NAALADL2: variants seen among roughly 807,000 people sequenced by gnomAD.
NAALADL2 encodes the protein inactive N-acetylated-alpha-linked acidic dipeptidase-like protein 2.
NAALADL2 carries 76 observed loss-of-function variants against 87.2 expected under a neutral mutation model. The observed-to-expected ratio is 0.87, with a 90% CI of 0.72 to 1.05. The LOEUF is 1.05. Ranked by LOEUF, NAALADL2 falls within the 50% of genes least tolerant of loss-of-function variation. The probability of loss-of-function intolerance (pLI) is 0.00; values close to 1 mark genes in which losing one functional copy is unlikely to be tolerated. For missense variants in NAALADL2, 1,089 were observed against 945.8 expected (o/e 1.15, Z -1.99); for synonymous variants, 354 against 331.0 (o/e 1.07, Z -0.75).
chr3:175,437,663 A>G (rs1408735620), intron 5 of NAALADL2, among the ~76,000 whole-genome samples: 1 of 151,086 alleles, frequency 6.6e-6, no homozygotes, highest in African/African-American at 2.4e-5. Flanking sequence ...AGCCAAAAGA[A>G]CAAAGCTGGA....
At chr3:174,814,848 G>A (rs756453519) in intron 3 of NAALADL2, among the ~76,000 whole-genome samples, 10 of 152,006 alleles carry the variant, frequency 6.6e-5, no homozygotes, top group Non-Finnish European at 1.2e-4. Context: ...CTGACCCTTC[G>A]GTTGCAAGCT....
At chr3:175,366,472 C>A (rs9799046) in intron 5 of NAALADL2, among the ~76,000 whole-genome samples, 83,381 of 149,768 alleles carry the variant, frequency 0.56, 23,467 homozygotes, top group East Asian at 0.66. Flanking sequence ...TACAGTCCCA[C>A]CAACAGTGTA....
intron 5 of NAALADL2, among the ~76,000 whole-genome samples, chr3:175,328,873 A>G (rs1761072359): frequency 6.6e-6 from 1 of 152,216 alleles, no homozygotes. Flanking sequence ...AAAGTAAAAA[A>G]TATGTATCTT....
chr3:175,717,723 T>C (rs1487303586), intron 11 of NAALADL2, among the ~76,000 whole-genome samples: 1 of 146,192 alleles, frequency 6.8e-6, no homozygotes, highest in East Asian at 2.0e-4. Flanking sequence ...AAAAAAGAAA[T>C]AAATTAATAT....
chr3:175,728,773 A>G (rs1241701027), intron 11 of NAALADL2, among the ~76,000 whole-genome samples: 1 of 152,136 alleles, frequency 6.6e-6, no homozygotes, highest in Non-Finnish European at 1.5e-5. Flanking sequence ...CTCCCTGCAG[A>G]TCACTGAATC....
At chr3:175,652,936 T>A (rs1730981503) in intron 11 of NAALADL2, among the ~76,000 whole-genome samples, 2 of 152,154 alleles carry the variant, frequency 1.3e-5, no homozygotes, top group Non-Finnish European at 1.5e-5. Context: ...AGCCTGCTGT[T>A]AACTGGAAGC....
At chr3:175,148,829 G>A (rs1269479501) in intron 2 of NAALADL2, among the ~76,000 whole-genome samples, 1 of 152,094 alleles carries the variant, frequency 6.6e-6, no homozygotes, top group African/African-American at 2.4e-5. Context: ...GTACCATTCT[G>A]TTTTGTTTGC....
intron 2 of NAALADL2, among the ~76,000 whole-genome samples, chr3:175,139,612 A>AT (rs961860355): frequency 1.3e-5 from 2 of 151,996 alleles, no homozygotes; most frequent in African/African-American, 2.4e-5. Context: ...TATTCAGAGA[A>AT]TTTTTTTCAA....
intron 2 of NAALADL2, among the ~76,000 whole-genome samples, chr3:174,569,972 C>T (rs1426851746): frequency 6.6e-6 from 1 of 152,080 alleles, no homozygotes; most frequent in Non-Finnish European, 1.5e-5. Flanking sequence ...GGTACTCTCT[C>T]CTGCAAATTT....
Position 174,881,587 on chromosome 3 carries a change from GTTTA to G in NAALADL2, c.43+22140_43+22143del, listed in dbSNP as rs1333997559. Among the ~76,000 whole-genome samples the G allele has an allele frequency of 3.3e-5, 5 of 151,992 alleles. No homozygotes were observed. The East Asian group carries it at 9.6e-4, about 29-fold the overall frequency. On this transcript the variant is annotated intron_variant, in intron 1 of 13. Coordinates refer to ENST00000454872, the MANE Select transcript of NAALADL2 (RefSeq NM_207015.3). ...AATTTTCAAGACTTTATGTTTGTTG[GTTTA>G]TTATTTACTTGTTTATTATGCTTGT... is the stretch of plus-strand genomic sequence containing the variant.
rs528023353 is a variant in NAALADL2, at chr3:175,289,145, A to ATT, written c.939+32615_939+32616insTT. On this transcript the variant is annotated intron_variant, in intron 4 of 13. Transcript: ENST00000454872. Reference sequence around the variant, plus strand: ...TTTTATGATGCAATAATTAGAAAAAAATTAACATTTTTGGCATGTCTTTCT... The same window carrying ATT: ...TTTTATGATGCAATAATTAGAAAAAATTATTAACATTTTTGGCATGTCTTTCT... Among the ~76,000 whole-genome samples the ATT allele has an allele frequency of 1.8e-3, 267 of 152,296 alleles. 3 individuals are homozygous for ATT. Among genetic ancestry groups the ATT allele is most frequent in the African/African-American group, 6.3e-3 (260 of 41,562 alleles).
At chr3:175,453,640 A>G (rs1323393086) in intron 6 of NAALADL2, among the ~76,000 whole-genome samples, 1 of 152,112 alleles carries the variant, frequency 6.6e-6, no homozygotes, top group Non-Finnish European at 1.5e-5. Context: ...AATTTTCATT[A>G]GAATATGTTG....
At chr3:175,464,736 T>C (rs1479658254) in intron 7 of NAALADL2, among the ~76,000 whole-genome samples, 13 of 152,188 alleles carry the variant, frequency 8.5e-5, no homozygotes, top group African/African-American at 2.7e-4. Flanking sequence ...CTTACAAAGT[T>C]CATGAAAGCC....
chr3:174,968,282 A>G, intron 1 of NAALADL2, among the ~76,000 whole-genome samples: 1 of 152,066 alleles, frequency 6.6e-6, no homozygotes, highest in Non-Finnish European at 1.5e-5. Context: ...AAGCATTACT[A>G]TTTGTCAGAA....
chr3:175,585,981 T>G (rs1720487173), intron 10 of NAALADL2, among the ~76,000 whole-genome samples: 1 of 152,160 alleles, frequency 6.6e-6, no homozygotes, highest in African/African-American at 2.4e-5. Context: ...CTAATTTAGA[T>G]GATTTTTTTA....
intron 1 of NAALADL2, among the ~76,000 whole-genome samples, chr3:175,004,632 T>C (rs534335041): frequency 5.0e-4 from 76 of 152,214 alleles, no homozygotes; most frequent in Admixed American, 1.9e-3. Context: ...TTCAGAGTCA[T>C]GAATGATGGT....
intron 1 of NAALADL2, among the ~76,000 whole-genome samples, chr3:174,448,474 A>ATGG (rs1715226764): frequency 6.6e-6 from 1 of 152,174 alleles, no homozygotes; most frequent in African/African-American, 2.4e-5. Flanking sequence ...TTTTATGCAA[A>ATGG]TGGTAGATCT....
chr3:174,704,450 G>A (rs1377527126), intron 2 of NAALADL2, among the ~76,000 whole-genome samples: 2 of 151,850 alleles, frequency 1.3e-5, no homozygotes, highest in Admixed American at 6.6e-5. Flanking sequence ...TTTTAATTTG[G>A]TATTTAAATT....
chr3:174,468,115 A>G (rs563628280), intron 1 of NAALADL2, among the ~76,000 whole-genome samples: 10 of 152,260 alleles, frequency 6.6e-5, no homozygotes, highest in African/African-American at 2.4e-4. Context: ...ATTGATAGGG[A>G]CTTGATTAAC....
Sources: gnomAD v4.1 joint callset for allele counts (sites outside exome capture counted in the v4.1 genomes callset) on GRCh38, gnomAD v4.1.1 for gene constraint, MANE v1.5 for transcripts, NCBI Gene and HGNC (gene_info 2026-07-23, HGNC 2026-07-21) for gene names.